Variants in OPCML observed in about 807,000 individuals in gnomAD.
OPCML encodes the protein opioid binding protein/cell adhesion molecule like.
A neutral mutation model predicts 37.8 loss-of-function variants in OPCML; 13 were observed. The ratio of observed to expected loss-of-function variants is 0.34; its 90% confidence interval spans 0.22 to 0.55. The LOEUF is 0.55. Ranked by LOEUF, OPCML falls within the 20% of genes least tolerant of loss-of-function variation. The pLI, the probability that OPCML is intolerant of heterozygous loss-of-function variation, is 0.91. For missense variants in OPCML, 341 were observed against 435.6 expected, an observed-to-expected ratio of 0.78 and a Z score of 1.93; for synonymous variants, 176 against 168.8, an observed-to-expected ratio of 1.04 and a Z score of -0.33.
At chr11:133,006,068 G>C in intron 1 of OPCML, 1 of 985,396 alleles carries the variant, frequency 1.0e-6, no homozygotes, top group Non-Finnish European at 1.2e-6. Flanking sequence ...CGGGAATGGA[G>C]TGTGCTCATA....
At chr11:132,572,311 A>G (rs1306129285) in intron 3 of OPCML, among the ~76,000 whole-genome samples, 1 of 152,152 alleles carries the variant, frequency 6.6e-6, no homozygotes, top group Non-Finnish European at 1.5e-5. Context: ...TGTTATATCA[A>G]TGAAATTATT....
intron 1 of OPCML, among the ~76,000 whole-genome samples, chr11:133,413,987 C>T (rs952007280): frequency 9.2e-5 from 14 of 152,160 alleles, no homozygotes; most frequent in African/African-American, 3.4e-4. Context: ...TGTTCCCTCT[C>T]CTCTTACTCC....
In OPCML at chr11:133,505,162, C is replaced by G. The variant is rs182660101; in HGVS notation, c.61+27102G>C. On this transcript the variant is annotated intron_variant, in intron 1 of 7. Coordinates refer to ENST00000524381, the MANE Select transcript of OPCML (RefSeq NM_001012393.5). ...AATTCCCTCTCTAGGAAAATAGGAA[C>G]GTAACACCATCTTTTTCAAGTATCT... is the stretch of plus-strand genomic sequence containing the variant. Among the ~76,000 whole-genome samples the G allele has an allele frequency of 1.9e-3, 290 of 152,326 alleles. 1 individual carries two copies. Among genetic ancestry groups the G allele is most frequent in the African/African-American group, 6.5e-3 (269 of 41,566 alleles).
intron 1 of OPCML, among the ~76,000 whole-genome samples, chr11:133,402,055 T>G (rs1361347099): frequency 6.6e-6 from 1 of 152,332 alleles, no homozygotes. Flanking sequence ...TAGTCCATTT[T>G]GTGCTGCTGC....
chr11:132,423,305 G>A (rs1453684144), intron 7 of OPCML, among the ~76,000 whole-genome samples: 1 of 152,210 alleles, frequency 6.6e-6, no homozygotes, highest in Non-Finnish European at 1.5e-5. Context: ...TACTGCCAAA[G>A]TGCCTTTGGT....
intron 1 of OPCML, among the ~76,000 whole-genome samples, chr11:133,313,384 G>A (rs1051891343): frequency 4.6e-5 from 7 of 152,258 alleles, no homozygotes; most frequent in Middle Eastern, 6.8e-3. Context: ...ACATCACTTC[G>A]GTCTTACATA....
chr11:132,483,459 A>T (rs1213630602), intron 4 of OPCML, among the ~76,000 whole-genome samples: 1 of 152,194 alleles, frequency 6.6e-6, no homozygotes, highest in Admixed American at 6.5e-5. Flanking sequence ...CGTGGGTAGG[A>T]AGAATCAATA....
chr11:133,242,636 T>G (rs1565525286), intron 1 of OPCML, among the ~76,000 whole-genome samples: 2 of 152,192 alleles, frequency 1.3e-5, no homozygotes, highest in South Asian at 4.1e-4. Flanking sequence ...CATATTTAAT[T>G]GTGTAATTAC....
chr11:132,893,990 G>A (rs560625525), intron 2 of OPCML, among the ~76,000 whole-genome samples: 4 of 152,166 alleles, frequency 2.6e-5, no homozygotes, highest in East Asian at 1.9e-4. Flanking sequence ...ACAAGCACAT[G>A]CCACACCACA....
intron 1 of OPCML, among the ~76,000 whole-genome samples, chr11:133,132,778 A>G (rs989386059): frequency 2.0e-5 from 3 of 151,874 alleles, no homozygotes; most frequent in Middle Eastern, 3.2e-3. Context: ...CTATAATTCT[A>G]TTTACACAAA....
intron 2 of OPCML, among the ~76,000 whole-genome samples, chr11:132,658,059 CACAA>C (rs1429012488): frequency 6.6e-6 from 1 of 152,178 alleles, no homozygotes; most frequent in Non-Finnish European, 1.5e-5. Flanking sequence ...AAGCTATGAA[CACAA>C]ACAAGGCCTG....
chr11:133,489,191 C>T (rs1947598099), intron 1 of OPCML, among the ~76,000 whole-genome samples: 1 of 151,556 alleles, frequency 6.6e-6, no homozygotes, highest in Non-Finnish European at 1.5e-5. Context: ...ACCAAGTTCC[C>T]AAAAGCAACT....
intron 1 of OPCML, among the ~76,000 whole-genome samples, chr11:133,274,049 T>C (rs569697483): frequency 2.6e-5 from 4 of 152,342 alleles, no homozygotes; most frequent in Admixed American, 2.6e-4. Context: ...TCTAGTTCTA[T>C]CTATATCTAT....
intron 1 of OPCML, among the ~76,000 whole-genome samples, chr11:133,016,814 A>G (rs1254909880): frequency 6.6e-6 from 1 of 152,166 alleles, no homozygotes; most frequent in African/African-American, 2.4e-5. Flanking sequence ...CCACAAACAT[A>G]TAACATCCTG....
At chr11:132,967,586 T>A (rs1003793162) in intron 1 of OPCML, among the ~76,000 whole-genome samples, 2 of 152,208 alleles carry the variant, frequency 1.3e-5, no homozygotes, top group African/African-American at 2.4e-5. Flanking sequence ...TATTGTCAGA[T>A]AAATTACATT....
intron 1 of OPCML, chr11:133,361,349 A>G (rs1944411790): frequency 6.6e-6 from 1 of 152,350 alleles, no homozygotes; most frequent in Non-Finnish European, 1.5e-5. Context: ...CCCCTTCCAC[A>G]CAGAGCAGGA....
intron 7 of OPCML, among the ~76,000 whole-genome samples, chr11:132,426,808 G>A (rs1028886213): frequency 9.2e-5 from 14 of 152,168 alleles, no homozygotes; most frequent in Non-Finnish European, 1.3e-4. Context: ...ACATAAGAAC[G>A]GGGAATTTCA....
intron 1 of OPCML, among the ~76,000 whole-genome samples, chr11:133,322,129 A>T (rs987055858): frequency 6.6e-6 from 1 of 152,202 alleles, no homozygotes; most frequent in African/African-American, 2.4e-5. Flanking sequence ...TCATTTAAAG[A>T]TGGCTGATGG....
intron 1 of OPCML, among the ~76,000 whole-genome samples, chr11:133,409,926 AAC>A (rs1945608278): frequency 6.6e-6 from 1 of 152,076 alleles, no homozygotes; most frequent in African/African-American, 2.4e-5. Flanking sequence ...CTGCTCTGAG[AAC>A]ACACAGGCGG....
Sources: allele counts gnomAD v4.1 joint callset (sites outside exome capture counted in the v4.1 genomes callset), GRCh38; gene constraint gnomAD v4.1.1; transcripts MANE v1.5; gene names NCBI Gene and HGNC (gene_info 2026-07-23, HGNC 2026-07-21).